SPAG16: variants seen among roughly 807,000 people sequenced by gnomAD.
The protein encoded by SPAG16 is sperm-associated antigen 16 protein.
A neutral mutation model predicts 80.4 loss-of-function variants in SPAG16; 86 were observed. The observed-to-expected ratio is 1.07, with a 90% CI of 0.90 to 1.28. The LOEUF (loss-of-function observed/expected upper bound fraction) is 1.28. Ranked by LOEUF, SPAG16 falls within the 50% of genes most tolerant of loss-of-function variation. The pLI, the probability that SPAG16 is intolerant of heterozygous loss-of-function variation, is 0.00. For synonymous variants in SPAG16, 294 were observed against 265.9 expected, an observed-to-expected ratio of 1.11 and a Z score of -1.03; for missense variants, 870 against 765.3, an observed-to-expected ratio of 1.14 and a Z score of -1.61.
chr2:213,839,314 A>G (rs1421838202), intron 10 of SPAG16, among the ~76,000 whole-genome samples: 1 of 152,232 alleles, frequency 6.6e-6, no homozygotes, highest in Non-Finnish European at 1.5e-5. Flanking sequence ...AAAAGAAAAT[A>G]CTTGCATTGT....
rs756833750 is a variant in SPAG16 at position 214,390,341 on chromosome 2, T to TAAA, written c.1721-19783_1721-19781dup. ...AAATGAATGGGTATGCTTTTTTTTT[T>TAAA]AAAAAAAAAAAAAAAAAAGTCCTTT... On this transcript the variant is annotated intron_variant, in intron 15 of 15. Transcript: ENST00000331683. Among the ~76,000 whole-genome samples, 385 of 125,448 alleles carry TAAA rather than the reference T, an allele frequency of 3.1e-3. 1 individual carries two copies. Among genetic ancestry groups the TAAA allele is most frequent in the Non-Finnish European group, 4.3e-3 (267 of 61,988 alleles). 82.3% of individuals were successfully genotyped at this position (125,448 alleles called of 152,430 possible). A position where few individuals can be genotyped will look rare whatever the true frequency, so the allele number is the denominator to read the frequency against.
At chr2:213,525,114 C>A (rs926547612) in intron 10 of SPAG16, among the ~76,000 whole-genome samples, 9 of 152,012 alleles carry the variant, frequency 5.9e-5, no homozygotes. Flanking sequence ...TGTGTTCTTA[C>A]AACATCTGAT....
At chr2:213,854,173 T>A (rs1404297722) in intron 10 of SPAG16, among the ~76,000 whole-genome samples, 1 of 152,200 alleles carries the variant, frequency 6.6e-6, no homozygotes, top group South Asian at 2.1e-4. Flanking sequence ...TAATGTACGA[T>A]GTTTATCAAA....
intron 11 of SPAG16, among the ~76,000 whole-genome samples, chr2:213,898,344 G>A (rs1230702373): frequency 2.0e-5 from 3 of 152,110 alleles, no homozygotes; most frequent in African/African-American, 7.2e-5. Flanking sequence ...AAAACTTTGG[G>A]TAAGGAATTC....
At chr2:213,680,433 T>TAA (rs1559370688) in intron 10 of SPAG16, among the ~76,000 whole-genome samples, 4 of 111,386 alleles carry the variant, frequency 3.6e-5, no homozygotes, top group African/African-American at 1.5e-4. Context: ...TCTCTAGTAG[T>TAA]TAAAAAAAAA....
At chr2:213,705,696 A>C (rs2065718813) in intron 10 of SPAG16, among the ~76,000 whole-genome samples, 1 of 152,184 alleles carries the variant, frequency 6.6e-6, no homozygotes, top group Non-Finnish European at 1.5e-5. Context: ...AACTCCCTTA[A>C]AGCAATACAT....
intron 9 of SPAG16, among the ~76,000 whole-genome samples, chr2:213,389,337 T>G (rs1364013620): frequency 6.6e-6 from 1 of 152,016 alleles, no homozygotes; most frequent in African/African-American, 2.4e-5. Flanking sequence ...GACAAAAGTA[T>G]CATGGCATTG....
At chr2:214,027,289 ATTATT>A (rs1238949411) in intron 13 of SPAG16, among the ~76,000 whole-genome samples, 3 of 151,516 alleles carry the variant, frequency 2.0e-5, no homozygotes, top group Non-Finnish European at 4.4e-5. Flanking sequence ...TAACTTGAAA[ATTATT>A]TTAAATATTA....
chr2:214,223,140 A>G (rs929940213), intron 15 of SPAG16, among the ~76,000 whole-genome samples: 8 of 149,872 alleles, frequency 5.3e-5, no homozygotes, highest in Non-Finnish European at 1.2e-4. Flanking sequence ...ATTTTTTATT[A>G]TTATTTGGAT....
chr2:214,378,165 C>T (rs1209047373), intron 15 of SPAG16, among the ~76,000 whole-genome samples: 2 of 152,164 alleles, frequency 1.3e-5, no homozygotes, highest in African/African-American at 4.8e-5. Context: ...CCTACTGATA[C>T]ACTTTAGACA....
chr2:214,182,968 G>A (rs976350385), intron 15 of SPAG16, among the ~76,000 whole-genome samples: 16 of 151,874 alleles, frequency 1.1e-4, no homozygotes, highest in Non-Finnish European at 1.2e-4. Flanking sequence ...AGGTCATAGC[G>A]ATGAAGTGCC....
chr2:214,137,725 CTCTTT>C (rs2055135994), intron 14 of SPAG16, among the ~76,000 whole-genome samples: 1 of 152,088 alleles, frequency 6.6e-6, no homozygotes, highest in Admixed American at 6.6e-5. Flanking sequence ...GTGACTTTAT[CTCTTT>C]AAGCATTATT....
chr2:213,843,580 G>A (rs895003627), intron 10 of SPAG16, among the ~76,000 whole-genome samples: 6 of 152,210 alleles, frequency 3.9e-5, no homozygotes, highest in Admixed American at 2.0e-4. Context: ...GCCGGGCGAG[G>A]TGGCTCATGC....
chr2:213,908,790 T>C (rs2077534578), intron 11 of SPAG16, among the ~76,000 whole-genome samples: 1 of 151,806 alleles, frequency 6.6e-6, no homozygotes, highest in Middle Eastern at 3.2e-3. Context: ...ATTATTATTA[T>C]ACTTTAAGTT....
In SPAG16 at chr2:213,855,659, C is replaced by G. The variant is rs571210655; in HGVS notation, c.1071-6826C>G. Among the ~76,000 whole-genome samples the G allele has an allele frequency of 3.9e-5, 6 of 152,258 alleles. No homozygotes were observed. In the East Asian group the frequency reaches 1.2e-3, roughly 29 times the overall value. On this transcript the variant is annotated intron_variant, in intron 10 of 15. Coordinates refer to ENST00000331683, the MANE Select transcript of SPAG16 (RefSeq NM_024532.5). ...GGCTGGGGAGACCGCAGGAAATTCA[C>G]AATCATGGCAGAAGGCACCCCTTCA...
intron 9 of SPAG16, among the ~76,000 whole-genome samples, chr2:213,404,504 T>C (rs1488057037): frequency 6.6e-6 from 1 of 152,054 alleles, no homozygotes; most frequent in Non-Finnish European, 1.5e-5. Context: ...TGGCTAGCCA[T>C]ATGTAGAAAG....
At chr2:213,492,812 G>A (rs1266220042) in intron 10 of SPAG16, among the ~76,000 whole-genome samples, 1 of 151,610 alleles carries the variant, frequency 6.6e-6, no homozygotes, top group African/African-American at 2.4e-5. Flanking sequence ...AAATATAGCA[G>A]TAAAAGTAAT....
chr2:213,959,613 CATG>C (rs2044312606), intron 12 of SPAG16, among the ~76,000 whole-genome samples: 1 of 152,092 alleles, frequency 6.6e-6, no homozygotes, highest in Admixed American at 6.5e-5. Context: ...GGAATAATAC[CATG>C]GACTTTACTG....
At chr2:214,396,933 A>G (rs1177792924) in intron 15 of SPAG16, among the ~76,000 whole-genome samples, 1 of 151,836 alleles carries the variant, frequency 6.6e-6, no homozygotes, top group African/African-American at 2.4e-5. Flanking sequence ...CTTTTTTCCT[A>G]AAAATACTGG....
Sources: allele counts gnomAD v4.1 joint callset (sites outside exome capture counted in the v4.1 genomes callset), GRCh38; gene constraint gnomAD v4.1.1; transcripts MANE v1.5; gene names NCBI Gene and HGNC (gene_info 2026-07-23, HGNC 2026-07-21).